The following UBXN2A variants were observed in gnomAD, a reference collection of about 807,000 sequenced individuals.
UBXN2A encodes UBX domain protein 2A, also known as UBX domain-containing protein 2A.
Under a neutral mutation model 28.4 loss-of-function variants are expected in UBXN2A, and 28 were observed. That is an observed-to-expected ratio of 0.99 (90% CI 0.73 to 1.35). The LOEUF is 1.35. Ranked by LOEUF, UBXN2A falls within the 40% of genes most tolerant of loss-of-function variation. The pLI, the probability that UBXN2A is intolerant of heterozygous loss-of-function variation, is 0.00. For missense variants in UBXN2A, 253 were observed against 297.9 expected, an observed-to-expected ratio of 0.85 and a Z score of 1.11; for synonymous variants, 97 against 103.6, an observed-to-expected ratio of 0.94 and a Z score of 0.39.
intron 1 of UBXN2A, among the ~76,000 whole-genome samples, chr2:23,953,746 C>G (rs1425187101): frequency 6.6e-6 from 1 of 152,162 alleles, no homozygotes; most frequent in African/African-American, 2.4e-5. Context: ...GAATTTCCCA[C>G]ATTCTGGACT....
At chr2:23,935,023 C>T (rs140704004) in intron 1 of UBXN2A, among the ~76,000 whole-genome samples, 9 of 151,966 alleles carry the variant, frequency 5.9e-5, no homozygotes, top group Non-Finnish European at 1.3e-4. Flanking sequence ...TGCAGTGAGC[C>T]GAGATCGCAC....
intron 6 of UBXN2A, among the ~76,000 whole-genome samples, chr2:23,988,520 T>C (rs2150906772): frequency 6.6e-6 from 1 of 152,330 alleles, no homozygotes; most frequent in Non-Finnish European, 1.5e-5. Context: ...GTCACTAATT[T>C]TGGCAGGGGT....
At chr2:23,997,921 C>G (rs997822068) in intron 6 of UBXN2A, among the ~76,000 whole-genome samples, 2 of 151,652 alleles carry the variant, frequency 1.3e-5, no homozygotes, top group African/African-American at 4.9e-5. Context: ...AAGTGATTCT[C>G]CTGCCTCAGC....
At chr2:23,937,237 C>T (rs1259774557), upstream of UBXN2A, among the ~76,000 whole-genome samples, 1 of 152,126 alleles carries the variant, frequency 6.6e-6, no homozygotes, top group Non-Finnish European at 1.5e-5. Context: ...AAGGCATCCA[C>T]ATTAGAAAGA....
chr2:23,987,739 C>T (rs1708186509), intron 6 of UBXN2A, among the ~76,000 whole-genome samples: 1 of 149,856 alleles, frequency 6.7e-6, no homozygotes, highest in Non-Finnish European at 1.5e-5. Flanking sequence ...GATCGCGCCA[C>T]TGCACTCCAG....
At chr2:23,944,435 GA>G in intron 1 of UBXN2A, 3 of 921,716 alleles carry the variant, frequency 3.3e-6, no homozygotes, top group Middle Eastern at 2.9e-4. Context: ...TCCACCCTGG[GA>G]AAAGTTCTCC....
chr2:23,962,080 G>A (rs1038984839), intron 2 of UBXN2A, among the ~76,000 whole-genome samples: 45 of 152,016 alleles, frequency 3.0e-4, no homozygotes, highest in Non-Finnish European at 1.2e-4. Flanking sequence ...CCTGACCTCA[G>A]GCAATCTGCC....
upstream of UBXN2A, among the ~76,000 whole-genome samples, chr2:23,937,393 T>G (rs1353559515): frequency 1.3e-5 from 2 of 152,010 alleles, no homozygotes; most frequent in Non-Finnish European, 2.9e-5. Flanking sequence ...AAAAAAATTT[T>G]TTTTTAATTG....
At chr2:23,975,217 A>T (rs1707604275) in intron 3 of UBXN2A, among the ~76,000 whole-genome samples, 1 of 152,188 alleles carries the variant, frequency 6.6e-6, no homozygotes. Flanking sequence ...ATACTAAAAG[A>T]CTTTAACGTA....
Position 24,000,000 on chromosome 2 carries a change from A to C in UBXN2A, c.*133A>C. On this transcript the variant is annotated 3_prime_UTR_variant, in exon 7 of 7. Coordinates refer to ENST00000309033, the MANE Select transcript of UBXN2A (RefSeq NM_181713.4). ...AGTACTATTGAACTCTCTCCTGATG[A>C]GAAGATGTTTAGATAAGTACAAGTT... 4 of 793,870 alleles carry C rather than the reference A, an allele frequency of 5.0e-6. No individual in the cohort carries two copies. In the South Asian group the frequency reaches 7.8e-5, roughly 15 times the overall value. The allele number at this position is 793,870 out of a possible 1,614,324, so 49.2% of individuals were successfully genotyped here. A position where few individuals can be genotyped will look rare whatever the true frequency, so the allele number is the denominator to read the frequency against.
chr2:23,957,793 C>T (rs1209558080), intron 1 of UBXN2A, among the ~76,000 whole-genome samples: 1 of 152,150 alleles, frequency 6.6e-6, no homozygotes, highest in Non-Finnish European at 1.5e-5. Context: ...GAGATTGTGC[C>T]ATTGCACTCC....
rs1708724633 is a variant in UBXN2A at position 24,001,549 on chromosome 2, T to C, written c.*1682T>C. On this transcript the variant is annotated 3_prime_UTR_variant, in exon 7 of 7. Coordinates refer to ENST00000309033, the MANE Select transcript of UBXN2A (RefSeq NM_181713.4). ...ACTAAGTGGTCCATAGCAGCAGTAATGTTCATAGGGTGCGAGATGCCTGCT... is the reference window on the plus strand; with the variant it reads ...ACTAAGTGGTCCATAGCAGCAGTAACGTTCATAGGGTGCGAGATGCCTGCT... 1 of 152,124 alleles carries C rather than the reference T, an allele frequency of 6.6e-6. No homozygotes were observed. Among genetic ancestry groups the C allele is most frequent in the East Asian group, 1.9e-4 (1 of 5,200 alleles). 9.4% of individuals were successfully genotyped at this position (152,124 alleles called of 1,614,324 possible).
At chr2:23,968,546 G>T (rs1707268266) in intron 2 of UBXN2A, among the ~76,000 whole-genome samples, 1 of 151,182 alleles carries the variant, frequency 6.6e-6, no homozygotes, top group South Asian at 2.1e-4. Flanking sequence ...GGTGGCGGGT[G>T]CCTGTAGTCC....
At position 24,000,037 on chromosome 2, in the gene UBXN2A, A is replaced by G. The variant is rs1708683403; in HGVS notation, c.*170A>G. On this transcript the variant is annotated 3_prime_UTR_variant, in exon 7 of 7. Transcript: ENST00000309033. ...GATAAGTACAAGTTAAGAAAGTAGC[A>G]TATGACTGGAAACTATATTCAGTGC... is the stretch of plus-strand genomic sequence containing the variant. 3.2e-6 allele frequency: 2 copies of G among 622,178 alleles called. No individual in the cohort carries two copies. The highest frequency in any genetic ancestry group is 3.7e-5 in the African/African-American group (2 of 54,440). The allele number at this position is 622,178 out of a possible 1,614,324, so 38.5% of individuals were successfully genotyped here. A position where few individuals can be genotyped will look rare whatever the true frequency, so the allele number is the denominator to read the frequency against.
At chr2:23,978,426 G>A (rs1386829845) in intron 4 of UBXN2A, among the ~76,000 whole-genome samples, 2 of 152,020 alleles carry the variant, frequency 1.3e-5, no homozygotes, top group Non-Finnish European at 2.9e-5. Flanking sequence ...TGCAGATCAC[G>A]AGGTCAGGAG....
At chr2:23,977,183 C>T in intron 4 of UBXN2A, 108 bp downstream of exon 4, 2 of 774,882 alleles carry the variant, frequency 2.6e-6, no homozygotes, top group Non-Finnish European at 4.2e-6. Context: ...GGGAACATAG[C>T]CAGACCTCAT....
At chr2:23,950,395 T>A (rs1234516279) in intron 1 of UBXN2A, among the ~76,000 whole-genome samples, 1 of 152,086 alleles carries the variant, frequency 6.6e-6, no homozygotes, top group African/African-American at 2.4e-5. Context: ...ATTTTATTTT[T>A]ATTTTATTAT....
chr2:23,988,476 G>C (rs75594332), intron 6 of UBXN2A, among the ~76,000 whole-genome samples: 5,855 of 152,206 alleles, frequency 0.038, 108 homozygotes, highest in South Asian at 0.046. Flanking sequence ...AAGCCAATTT[G>C]TTTTGTTTGA....
chr2:23,983,484 G>T (rs1573595143), intron 5 of UBXN2A, among the ~76,000 whole-genome samples: 1 of 151,986 alleles, frequency 6.6e-6, no homozygotes, highest in Non-Finnish European at 1.5e-5. Context: ...TCCAGTCTGG[G>T]CAACAAGAGT....
Sources: allele counts gnomAD v4.1 joint callset (sites outside exome capture counted in the v4.1 genomes callset), GRCh38; gene constraint gnomAD v4.1.1; transcripts MANE v1.5; gene names NCBI Gene and HGNC (gene_info 2026-07-23, HGNC 2026-07-21).